Variants in ERC1 observed in about 807,000 individuals in gnomAD.
ERC1 encodes ELKS/RAB6-interacting/CAST family member 1.
In ERC1, 56 loss-of-function variants were observed where a neutral mutation model predicts 132.0. The ratio of observed to expected loss-of-function variants is 0.42; its 90% CI spans 0.34 to 0.53. ERC1 has a LOEUF of 0.53. ERC1 is among the 20% of genes least tolerant of loss of function. ERC1 has a pLI of 0.03. For synonymous variants in ERC1, 478 were observed against 476.1 expected (o/e 1.00, Z -0.05); for missense variants, 1,202 against 1,349.9 (o/e 0.89, Z 1.72).
At chr12:1,081,674 G>A (rs1278463790) in intron 2 of ERC1, among the ~76,000 whole-genome samples, 3 of 152,168 alleles carry the variant, frequency 2.0e-5, no homozygotes, top group Admixed American at 6.5e-5. Context: ...CAGAATCAAA[G>A]TGTGTAATGG....
chr12:1,168,568 A>G (rs2906105), intron 8 of ERC1, among the ~76,000 whole-genome samples: 63,019 of 146,192 alleles, frequency 0.43, 14,782 homozygotes, highest in African/African-American at 0.64. Flanking sequence ...CACTGCAACC[A>G]TCGCCTCCCA....
chr12:1,234,289 T>C (rs1479976032), intron 12 of ERC1, among the ~76,000 whole-genome samples: 1 of 152,218 alleles, frequency 6.6e-6, no homozygotes, highest in Non-Finnish European at 1.5e-5. Flanking sequence ...TGCTGGACAG[T>C]GGCAGTGAGC....
At chr12:1,092,447 A>G (rs1429596345) in intron 3 of ERC1, among the ~76,000 whole-genome samples, 1 of 152,206 alleles carries the variant, frequency 6.6e-6, no homozygotes. Context: ...AAATATAATC[A>G]TGTCCATTCA....
chr12:1,341,535 A>G (rs1178182700), intron 15 of ERC1, among the ~76,000 whole-genome samples: 1 of 152,132 alleles, frequency 6.6e-6, no homozygotes. Context: ...AGCTGGAACC[A>G]TCATTCTCAG....
chr12:1,173,034 C>G (rs887260955), intron 8 of ERC1, among the ~76,000 whole-genome samples: 1 of 152,118 alleles, frequency 6.6e-6, no homozygotes, highest in African/African-American at 2.4e-5. Context: ...TTTGGTACCT[C>G]ATTCTTTGGG....
chr12:1,391,143 T>G (rs2089925201), intron 16 of ERC1: 1 of 152,282 alleles, frequency 6.6e-6, no homozygotes, highest in Admixed American at 6.5e-5. Flanking sequence ...AGTTGAAACC[T>G]GGACATGTTG....
At position 1,163,348 on chromosome 12, in the gene ERC1, C is replaced by A. The variant is rs904356040; in HGVS notation, c.1738-17192C>A. Among the ~76,000 whole-genome samples the A allele has an allele frequency of 3.3e-5, 5 of 152,026 alleles. No homozygotes were observed. The East Asian group carries it at 9.6e-4, about 29-fold the overall frequency. ...CTTCCACTTCCAGAACACTCCTCTC[C>A]AAAAAATACTACAAAATAACAAAAT... On this transcript the variant is annotated intron_variant, in intron 8 of 18. Coordinates refer to ENST00000360905, the MANE Select transcript of ERC1 (RefSeq NM_178040.4).
chr12:1,306,143 G>A (rs1366627086), intron 15 of ERC1, among the ~76,000 whole-genome samples: 1 of 152,128 alleles, frequency 6.6e-6, no homozygotes, highest in African/African-American at 2.4e-5. Context: ...ATGACATCCA[G>A]CTCCTGTTGC....
chr12:1,272,487 AGTT>A (rs897768343), intron 14 of ERC1, among the ~76,000 whole-genome samples: 2 of 152,170 alleles, frequency 1.3e-5, no homozygotes, highest in African/African-American at 4.8e-5. Flanking sequence ...ATATTCTAGA[AGTT>A]GTAGATTTGC....
chr12:1,404,270 G>A lies in ERC1; in HGVS notation c.2926-3879G>A, dbSNP rs80006191. ...CGGGCTCCCTCGGGCCTTTTTCCAA[G>A]TATAATGGATACATTTATTTATTTA... is the stretch of plus-strand genomic sequence containing the variant. On this transcript the variant is annotated intron_variant, in intron 16 of 18. Transcript: ENST00000360905. 7.6e-3 allele frequency among the ~76,000 whole-genome samples: 1,157 copies of A among 151,784 alleles called. 11 individuals carry two copies. Among genetic ancestry groups the A allele is most frequent in the South Asian group, 0.042 (203 of 4,810 alleles).
chr12:1,138,117 T>A (rs11061650), intron 7 of ERC1, among the ~76,000 whole-genome samples: 28,453 of 116,794 alleles, frequency 0.24, 5,362 homozygotes, highest in African/African-American at 0.53. Flanking sequence ...ATAATTATAT[T>A]TAATACATAT....
chr12:1,079,056 G>C (rs2154186765), intron 2 of ERC1, among the ~76,000 whole-genome samples: 1 of 151,124 alleles, frequency 6.6e-6, no homozygotes, highest in African/African-American at 2.4e-5. Context: ...TATGACAAAA[G>C]TCGATATACA....
chr12:1,074,741 G>A (rs1195556624), intron 2 of ERC1, among the ~76,000 whole-genome samples: 1 of 152,162 alleles, frequency 6.6e-6, no homozygotes, highest in East Asian at 1.9e-4. Flanking sequence ...AGCATTCGCA[G>A]AGCAAAAAGA....
chr12:1,154,669 C>A (rs1951196860), intron 8 of ERC1, among the ~76,000 whole-genome samples: 1 of 151,288 alleles, frequency 6.6e-6, no homozygotes, highest in African/African-American at 2.4e-5. Flanking sequence ...TCATATTCAA[C>A]AAAATATTAA....
At chr12:1,306,398 G>C (rs569123910) in intron 15 of ERC1, among the ~76,000 whole-genome samples, 4 of 152,192 alleles carry the variant, frequency 2.6e-5, no homozygotes, top group Non-Finnish European at 5.9e-5. Flanking sequence ...AGTAAACCAC[G>C]TTCAGTTGCT....
At chr12:1,148,880 G>A (rs1203306868) in intron 8 of ERC1, among the ~76,000 whole-genome samples, 1 of 152,204 alleles carries the variant, frequency 6.6e-6, no homozygotes, top group Admixed American at 6.5e-5. Flanking sequence ...GGGATCACAG[G>A]CATGAGCCAC....
chr12:1,289,482 G>A (rs1045637320), intron 14 of ERC1, among the ~76,000 whole-genome samples: 15 of 151,886 alleles, frequency 9.9e-5, no homozygotes, highest in African/African-American at 3.4e-4. Context: ...TCCTAAAATC[G>A]TTCTGTATAT....
At chr12:1,477,681 G>T (rs571986310) in intron 18 of ERC1, among the ~76,000 whole-genome samples, 9 of 152,240 alleles carry the variant, frequency 5.9e-5, no homozygotes, top group African/African-American at 2.2e-4. Context: ...TATGTATATA[G>T]CTGAATTACA....
chr12:1,115,809 G>C (rs1946384423), intron 6 of ERC1, 57 bp from the exon 7 acceptor site: 2 of 1,435,860 alleles, frequency 1.4e-6, no homozygotes, highest in Non-Finnish European at 1.9e-6. Flanking sequence ...GAAAGATACA[G>C]ATAAGAGGTG....
Sources: gnomAD v4.1 joint callset for allele counts (sites outside exome capture counted in the v4.1 genomes callset) on GRCh38, gnomAD v4.1.1 for gene constraint, MANE v1.5 for transcripts, NCBI Gene and HGNC (gene_info 2026-07-23, HGNC 2026-07-21) for gene names.